Variants in SNX29 observed in about 807,000 individuals in gnomAD.
The protein encoded by SNX29 is sorting nexin 29.
SNX29 carries 78 observed loss-of-function variants against 102.1 expected under a neutral mutation model. That is an observed-to-expected ratio of 0.76 (90% CI 0.64 to 0.92). The LOEUF is 0.92. Among genes scored for constraint, SNX29 ranks in the 40% least tolerant of loss-of-function variants. The probability of loss-of-function intolerance (pLI) is 0.00; values close to 1 mark genes in which losing one functional copy is unlikely to be tolerated. For synonymous variants in SNX29, 580 were observed against 414.5 expected (o/e 1.40, Z -4.85); for missense variants, 1,280 against 1,061.7 (o/e 1.21, Z -2.86).
chr16:12,294,405 C>T (rs375433979), intron 15 of SNX29, among the ~76,000 whole-genome samples: 8 of 152,246 alleles, frequency 5.3e-5, no homozygotes, highest in African/African-American at 1.7e-4. Context: ...CATCTTCTCT[C>T]GTTCCTCCCT....
intron 20 of SNX29, among the ~76,000 whole-genome samples, chr16:12,564,811 A>G (rs1169954928): frequency 6.6e-6 from 1 of 151,790 alleles, no homozygotes; most frequent in Admixed American, 6.6e-5. Flanking sequence ...TCATTCCAGA[A>G]GTCTCGGTGG....
intron 13 of SNX29, among the ~76,000 whole-genome samples, chr16:12,196,528 G>A (rs1451785963): frequency 6.6e-6 from 1 of 152,108 alleles, no homozygotes; most frequent in Admixed American, 6.5e-5. Flanking sequence ...AGCTAGCAAG[G>A]AGGGATTTCA....
chr16:12,275,908 G>A (rs916949050), intron 14 of SNX29, among the ~76,000 whole-genome samples: 1 of 145,006 alleles, frequency 6.9e-6, no homozygotes, highest in African/African-American at 2.6e-5. Context: ...TTTTTGGGGG[G>A]CGTGGTCAGA....
chr16:12,155,751 C>T (rs1271676767), intron 13 of SNX29, among the ~76,000 whole-genome samples: 1 of 152,120 alleles, frequency 6.6e-6, no homozygotes, highest in East Asian at 1.9e-4. Context: ...GCAGTTCATC[C>T]TCCTGGAGAG....
chr16:12,349,611 A>G (rs995865530), intron 15 of SNX29, among the ~76,000 whole-genome samples: 3 of 152,216 alleles, frequency 2.0e-5, no homozygotes, highest in Non-Finnish European at 4.4e-5. Flanking sequence ...CAAATACTCC[A>G]AAATCCAAAA....
At chr16:12,560,568 C>T (rs80217041) in intron 20 of SNX29, among the ~76,000 whole-genome samples, 1,716 of 152,258 alleles carry the variant, frequency 0.011, 31 homozygotes, top group African/African-American at 0.038. Context: ...AGTGTGATTC[C>T]TTGGGGTCTG....
intron 20 of SNX29, among the ~76,000 whole-genome samples, chr16:12,555,389 G>A (rs1007812616): frequency 3.9e-5 from 6 of 151,928 alleles, no homozygotes; most frequent in African/African-American, 1.5e-4. Flanking sequence ...GTCTTTCCCT[G>A]CGTGTCTGCT....
chr16:12,535,004 C>T (rs28611314), intron 20 of SNX29, among the ~76,000 whole-genome samples: 1 of 152,152 alleles, frequency 6.6e-6, no homozygotes. Context: ...GAAGCCCAGA[C>T]CTGGCCTGAG....
At chr16:12,538,544 G>C (rs985297011) in intron 20 of SNX29, among the ~76,000 whole-genome samples, 3 of 152,170 alleles carry the variant, frequency 2.0e-5, no homozygotes, top group Admixed American at 2.0e-4. Flanking sequence ...GAGGTGATGG[G>C]CTAGGAGGCT....
At chr16:12,060,783 C>A (rs578117463) in intron 8 of SNX29, 13 of 456,298 alleles carry the variant, frequency 2.8e-5, no homozygotes, top group South Asian at 2.0e-4. Context: ...CCAAACAAAC[C>A]CAACCACACT....
intron 18 of SNX29, among the ~76,000 whole-genome samples, chr16:12,431,196 C>T (rs532347894): frequency 4.9e-4 from 74 of 152,084 alleles, no homozygotes; most frequent in African/African-American, 1.5e-3. Context: ...GGGGTGGGGG[C>T]CCTGTGAGCT....
chr16:12,282,062 C>T (rs991251906), intron 15 of SNX29, among the ~76,000 whole-genome samples: 1 of 117,802 alleles, frequency 8.5e-6, no homozygotes, highest in Non-Finnish European at 1.6e-5. Context: ...CCAACCTGGG[C>T]GACAGAGTGA....
chr16:12,462,011 ATGT>A lies in SNX29; in HGVS notation c.2038-15707_2038-15705del, dbSNP rs1453692851. 2.2e-3 allele frequency among the ~76,000 whole-genome samples: 150 copies of A among 67,720 alleles called. 1 individual carries two copies. The highest frequency in any genetic ancestry group is 7.0e-3 in the Middle Eastern group (1 of 142). The allele number at this position is 67,720 out of a possible 152,430, so 44.4% of individuals were successfully genotyped here. On this transcript the variant is annotated intron_variant, in intron 18 of 20. Transcript: ENST00000566228. Reference sequence around the variant, plus strand: ...TATATATATATATATATATATATATATGTATACACACACACACACACACACACA... The same window carrying A: ...TATATATATATATATATATATATATAATACACACACACACACACACACACA...
chr16:12,239,300 G>C (rs923893594), intron 14 of SNX29, among the ~76,000 whole-genome samples: 1 of 152,118 alleles, frequency 6.6e-6, no homozygotes, highest in African/African-American at 2.4e-5. Context: ...GTGGTGTGTA[G>C]TGACCAGCTG....
At chr16:12,275,404 G>A (rs899183675) in intron 14 of SNX29, among the ~76,000 whole-genome samples, 6 of 152,178 alleles carry the variant, frequency 3.9e-5, no homozygotes, top group African/African-American at 1.4e-4. Context: ...CAGACCTACT[G>A]CGTTTTCTCC....
At chr16:12,074,994 G>C (rs186974284) in intron 10 of SNX29, among the ~76,000 whole-genome samples, 18 of 152,132 alleles carry the variant, frequency 1.2e-4, no homozygotes, top group African/African-American at 4.3e-4. Flanking sequence ...CCTAGTTGTC[G>C]AGCCTTGGCT....
chr16:12,373,082 G>T (rs1159658177), intron 16 of SNX29: 1 of 152,222 alleles, frequency 6.6e-6, no homozygotes, highest in African/African-American at 2.4e-5. Context: ...AGATGGAGCT[G>T]TAAGTCTCTT....
chr16:12,229,259 C>T (rs2077702168), intron 14 of SNX29, among the ~76,000 whole-genome samples: 1 of 152,220 alleles, frequency 6.6e-6, no homozygotes, highest in Admixed American at 6.5e-5. Context: ...ATAACTAAAG[C>T]ACCAGCATAG....
intron 14 of SNX29, among the ~76,000 whole-genome samples, chr16:12,204,551 C>T (rs1366006339): frequency 6.6e-6 from 1 of 152,196 alleles, no homozygotes. Flanking sequence ...TCGGCATCCC[C>T]ATTTAATTAA....
Sources: gnomAD v4.1 joint callset for allele counts (sites outside exome capture counted in the v4.1 genomes callset) on GRCh38, gnomAD v4.1.1 for gene constraint, MANE v1.5 for transcripts, NCBI Gene and HGNC (gene_info 2026-07-23, HGNC 2026-07-21) for gene names.